The following ZNF334 variants were observed in gnomAD, a reference collection of about 807,000 sequenced individuals.
ZNF334 encodes the protein zinc finger protein 334.
In ZNF334, 14 loss-of-function variants were observed where a neutral mutation model predicts 12.4. The observed-to-expected ratio is 1.13, with a 90% CI of 0.74 to 1.76. ZNF334 has a LOEUF of 1.76. Ranked by LOEUF, ZNF334 falls within the 40% of genes most tolerant of loss-of-function variation. ZNF334 has a pLI of 0.00. For synonymous variants in ZNF334, 273 were observed against 269.6 expected (o/e 1.01, Z -0.12); for missense variants, 797 against 804.5 (o/e 0.99, Z 0.11).
chr20:46,469,594 G>C, the ZNF334 span, among the ~76,000 whole-genome samples: 3 of 151,784 alleles, frequency 2.0e-5, no homozygotes, highest in Non-Finnish European at 4.4e-5. Context: ...GGATGGTCTC[G>C]ATCTCCTGAC....
At chr20:46,505,165 A>G (rs2145968145) in intron 2 of ZNF334, 1 of 154,170 alleles carries the variant, frequency 6.5e-6, no homozygotes, top group South Asian at 2.1e-4. Flanking sequence ...AAATATAAAC[A>G]GTATGTTTTA....
At chr20:46,477,160 G>C in the ZNF334 span, 2 of 152,184 alleles carry the variant, frequency 1.3e-5, no homozygotes, top group African/African-American at 4.8e-5. Context: ...GTCTAGGAGA[G>C]AGAATAACAC....
At chr20:46,471,548 A>T in the ZNF334 span, among the ~76,000 whole-genome samples, 11 of 152,306 alleles carry the variant, frequency 7.2e-5, no homozygotes, top group Non-Finnish European at 1.5e-4. Flanking sequence ...AATTCATGAA[A>T]ATATTGTCCT....
At chr20:46,477,342 G>GTT in the ZNF334 span, 5 of 147,018 alleles carry the variant, frequency 3.4e-5, no homozygotes, top group East Asian at 2.0e-4. Context: ...TTGTTTTTTG[G>GTT]TTTTTTTTTT....
At chr20:46,507,435 T>C (rs1601055195) in intron 2 of ZNF334, among the ~76,000 whole-genome samples, 1 of 152,328 alleles carries the variant, frequency 6.6e-6, no homozygotes, top group Admixed American at 6.5e-5. Flanking sequence ...AAGGATATTA[T>C]GGAAAATAAT....
the ZNF334 span, among the ~76,000 whole-genome samples, chr20:46,476,019 C>T: frequency 6.6e-6 from 1 of 152,140 alleles, no homozygotes; most frequent in Non-Finnish European, 1.5e-5. Context: ...AGCTCAGATG[C>T]CTTTTAAACA....
intron 1 of ZNF334, among the ~76,000 whole-genome samples, 160 bp downstream of exon 1, chr20:46,512,380 G>A (rs1473268534): frequency 6.6e-6 from 1 of 152,138 alleles, no homozygotes; most frequent in Non-Finnish European, 1.5e-5. Context: ...GTCAATCTAT[G>A]CCTCCTTTGA....
At position 46,501,174 on chromosome 20, in the gene ZNF334, C is replaced by T; in HGVS notation, c.*122G>A. On this transcript the variant is annotated 3_prime_UTR_variant, in exon 5 of 5. Coordinates refer to ENST00000692313, the MANE Select transcript of ZNF334 (RefSeq NM_001353824.2). ...TGTTACATTGAGGGTTGACTTATGG[C>T]AGAAAAATTTTCCATATTCATTACA... 1 of 1,305,766 alleles carries T rather than the reference C, an allele frequency of 7.7e-7. No homozygotes were observed. Among genetic ancestry groups the T allele is most frequent in the Non-Finnish European group, 1.0e-6 (1 of 961,538 alleles). The allele number at this position is 1,305,766 out of a possible 1,614,324, so 80.9% of individuals were successfully genotyped here. A position where few individuals can be genotyped will look rare whatever the true frequency, so the allele number is the denominator to read the frequency against.
At chr20:46,510,062 A>C (rs1410107379) in intron 2 of ZNF334, among the ~76,000 whole-genome samples, 6 of 152,220 alleles carry the variant, frequency 3.9e-5, no homozygotes, top group Non-Finnish European at 7.3e-5. Flanking sequence ...GTTGAATGAA[A>C]GGTCCAGAGT....
the ZNF334 span, among the ~76,000 whole-genome samples, chr20:46,475,064 AT>A: frequency 6.6e-6 from 1 of 151,884 alleles, no homozygotes; most frequent in Non-Finnish European, 1.5e-5. Flanking sequence ...CTGTGGGTCT[AT>A]TCCAACAAGT....
the ZNF334 span, chr20:46,481,504 A>C: frequency 6.6e-6 from 1 of 152,248 alleles, no homozygotes; most frequent in African/African-American, 2.4e-5. Flanking sequence ...CTAGGCATGA[A>C]TTTGTTTGAA....
the ZNF334 span, among the ~76,000 whole-genome samples, chr20:46,477,492 C>T: frequency 6.6e-6 from 1 of 152,158 alleles, no homozygotes; most frequent in Admixed American, 6.5e-5. Flanking sequence ...GCACATGCCA[C>T]CATACCTGGA....
At chr20:46,482,869 T>C in the ZNF334 span, among the ~76,000 whole-genome samples, 1 of 152,228 alleles carries the variant, frequency 6.6e-6, no homozygotes, top group African/African-American at 2.4e-5. Context: ...TGTCCTGTTT[T>C]TGGACCTTTC....
Position 46,506,325 on chromosome 20 carries a change from G to C in ZNF334, c.22-1585C>G, listed in dbSNP as rs945784348. Reference sequence around the variant, plus strand: ...ATATTACCTTTTATGTAAGAAAGGAGATGTAAGAAAACACACATGGCCAGG... The same window carrying C: ...ATATTACCTTTTATGTAAGAAAGGACATGTAAGAAAACACACATGGCCAGG... On this transcript the variant is annotated intron_variant, in intron 2 of 4. Coordinates refer to ENST00000692313, the MANE Select transcript of ZNF334 (RefSeq NM_001353824.2). The C allele has an allele frequency of 2.3e-5, 15 of 651,152 alleles. No individual in the cohort carries two copies. The Admixed American group carries it at 3.4e-4, about 15-fold the overall frequency. 40.3% of individuals were successfully genotyped at this position (651,152 alleles called of 1,614,324 possible).
At chr20:46,470,293 C>T in the ZNF334 span, among the ~76,000 whole-genome samples, 1 of 152,210 alleles carries the variant, frequency 6.6e-6, no homozygotes, top group East Asian at 1.9e-4. Flanking sequence ...CTTTCCTCCT[C>T]CTACTTTGCC....
At chr20:46,472,222 G>A in the ZNF334 span, among the ~76,000 whole-genome samples, 13 of 151,912 alleles carry the variant, frequency 8.6e-5, no homozygotes, top group Admixed American at 6.6e-5. Flanking sequence ...CACCCCTTGC[G>A]GAATATAGTC....
the ZNF334 span, chr20:46,476,368 A>C: frequency 1.3e-5 from 2 of 152,236 alleles, no homozygotes; most frequent in Admixed American, 1.3e-4. Context: ...CCTACATGTG[A>C]TAAAACTGTA....
Position 46,501,806 on chromosome 20 carries a change from G to A in ZNF334, c.1533C>T (p.Asn511=), listed in dbSNP as rs781484025. 1 of 1,614,112 alleles carries A rather than the reference G, an allele frequency of 6.2e-7. No homozygotes were observed. Among genetic ancestry groups the A allele is most frequent in the East Asian group, 2.2e-5 (1 of 44,864 alleles). The change falls in exon 5 of 5, where the codon AAC becomes AAT. Residue 511 remains asparagine (N), a synonymous_variant. Coordinates refer to ENST00000692313, the MANE Select transcript of ZNF334 (RefSeq NM_001353824.2). ...TACACTCATAAAGATTCTCCTTTGT[G>A]TTCATTCTCTTACACTGACTGCAGT... The part of the protein sequence containing the change: ...KSNCSQCKRM[N]TKENLYECSE...
chr20:46,467,035 G>A, the ZNF334 span, among the ~76,000 whole-genome samples: 2 of 152,108 alleles, frequency 1.3e-5, no homozygotes, highest in African/African-American at 2.4e-5. Flanking sequence ...CAAAATATGT[G>A]TGTAGGTATA....
Sources: allele counts gnomAD v4.1 joint callset (sites outside exome capture counted in the v4.1 genomes callset), GRCh38; gene constraint gnomAD v4.1.1; transcripts MANE v1.5; gene names NCBI Gene and HGNC (gene_info 2026-07-23, HGNC 2026-07-21).